The following BRD1 variants were observed in gnomAD, a reference collection of about 807,000 sequenced individuals.
BRD1 encodes bromodomain-containing protein 1.
Under a neutral mutation model 107.7 loss-of-function variants are expected in BRD1, and 24 were observed. The ratio of observed to expected loss-of-function variants is 0.22; its 90% CI spans 0.16 to 0.31. The LOEUF is 0.31. Ranked by LOEUF, BRD1 falls within the 10% of genes least tolerant of loss-of-function variation. The probability of loss-of-function intolerance (pLI) is 1.00; values close to 1 mark genes in which losing one functional copy is unlikely to be tolerated. For synonymous variants in BRD1, 744 were observed against 686.1 expected (o/e 1.08, Z -1.32); for missense variants, 1,279 against 1,638.6 (o/e 0.78, Z 3.79).
At position 49,803,861 on chromosome 22, in the gene BRD1, G is replaced by A. The variant is rs1016445166; in HGVS notation, c.1524+343C>T. Among the ~76,000 whole-genome samples, 26 of 152,166 alleles carry A rather than the reference G, an allele frequency of 1.7e-4. No homozygotes were observed. Among genetic ancestry groups the A allele is most frequent in the African/African-American group, 5.8e-4 (24 of 41,430 alleles). On this transcript the variant is annotated intron_variant, in intron 3 of 12. Transcript: ENST00000404760. This position sits in a 1 kb window ranked among gnomAD's most constrained non-coding sequence, Gnocchi z 4.4. ...CACTCCTGCTGTCCCCAGCCCGGAC[G>A]CTCATGCAGCCACAGCATAACACAT...
At position 49,822,837 on chromosome 22, in the gene BRD1, G is replaced by A; in HGVS notation, c.1367+114C>T. 6 of 1,255,330 alleles carry A rather than the reference G, an allele frequency of 4.8e-6. No individual in the cohort carries two copies. In the Admixed American group the frequency reaches 1.4e-4, roughly 30 times the overall value. The allele number at this position is 1,255,330 out of a possible 1,614,324, so 77.8% of individuals were successfully genotyped here. On this transcript the variant is annotated intron_variant, in intron 2 of 12. Transcript: ENST00000404760. ...CACTTCAGGGGAATATTAGGAAGCTGCGCCAACTAGAAACGCAATGACCAC... is the reference window on the plus strand; with the variant it reads ...CACTTCAGGGGAATATTAGGAAGCTACGCCAACTAGAAACGCAATGACCAC...
intron 2 of BRD1, among the ~76,000 whole-genome samples, 188 bp downstream of exon 2, chr22:49,822,763 C>G (rs1173614711): frequency 6.6e-6 from 1 of 152,066 alleles, no homozygotes; most frequent in Non-Finnish European, 1.5e-5. Flanking sequence ...AGACTAAAAT[C>G]TTTTACAACA....
At chr22:49,791,626 A>T (rs150095468) in intron 7 of BRD1, among the ~76,000 whole-genome samples, 2,897 of 152,242 alleles carry the variant, frequency 0.019, 82 homozygotes, top group African/African-American at 0.066. Context: ...ATACCAACCA[A>T]CAAGCTTGCT....
intron 9 of BRD1, 49 bp from the exon 10 acceptor site, chr22:49,777,210 G>T: frequency 6.2e-7 from 1 of 1,601,932 alleles, no homozygotes. Context: ...CCTGCCTTCA[G>T]CCTCACTCGG....
chr22:49,781,502 G>A (rs954190904), intron 8 of BRD1, among the ~76,000 whole-genome samples: 5 of 152,254 alleles, frequency 3.3e-5, no homozygotes, highest in Non-Finnish European at 7.3e-5. Flanking sequence ...AAATCCTCCA[G>A]GCCACAGGTG....
At chr22:49,805,602 T>C in intron 2 of BRD1, 1 of 153,418 alleles carries the variant, frequency 6.5e-6, no homozygotes, top group Non-Finnish European at 1.4e-5. Flanking sequence ...ACAGGGCTCC[T>C]CCTCTGCAGG....
At chr22:49,816,905 G>A (rs922602061) in intron 2 of BRD1, among the ~76,000 whole-genome samples, 6 of 152,284 alleles carry the variant, frequency 3.9e-5, no homozygotes, top group East Asian at 3.9e-4. Context: ...CTTAGCAGCC[G>A]GCATATACCA....
At position 49,792,916 on chromosome 22, in the gene BRD1, C is replaced by T. The variant is rs2059461411; in HGVS notation, c.2359+1118G>A. 6.6e-6 allele frequency among the ~76,000 whole-genome samples: 1 copy of T among 152,210 alleles called. No homozygotes were observed. Among genetic ancestry groups the T allele is most frequent in the Admixed American group, 6.5e-5 (1 of 15,282 alleles). The stretch of plus-strand genomic sequence containing the variant: ...AGGGCCCTGAGACCATGGGGACCCG[C>T]TGACCTGTGTGGCATCATGAAGACA... On this transcript the variant is annotated intron_variant, in intron 7 of 12. Coordinates refer to ENST00000404760, the MANE Select transcript of BRD1 (RefSeq NM_001304808.3). The surrounding 1 kb of genome is among the most constrained non-coding windows in gnomAD (Gnocchi z 4.2).
chr22:49,776,934 C>A (rs1038966268), intron 10 of BRD1, 100 bp downstream of exon 10: 3 of 1,521,614 alleles, frequency 2.0e-6, no homozygotes, highest in African/African-American at 1.4e-5. Flanking sequence ...CCACACAGGG[C>A]ACCATGCTCC....
In BRD1 at chr22:49,798,932, C is replaced by T. The variant is rs191117330; in HGVS notation, c.1656+56G>A. On this transcript the variant is annotated intron_variant, in intron 4 of 12. Coordinates refer to ENST00000404760, the MANE Select transcript of BRD1 (RefSeq NM_001304808.3). The stretch of plus-strand genomic sequence containing the variant: ...CACCCTCTGCAGGAGCTGCCAGCGT[C>T]CCACCCACGCCCCGTGGCCAGTGGT... The T allele has an allele frequency of 1.6e-5, 24 of 1,541,786 alleles. No individual in the cohort carries two copies. In the African/African-American group the frequency reaches 3.0e-4, roughly 19 times the overall value.
chr22:49,804,136 AG>A (rs2147202712), intron 3 of BRD1, 67 bp downstream of exon 3: 2 of 1,413,904 alleles, frequency 1.4e-6, no homozygotes, highest in East Asian at 4.9e-5. Context: ...AGCCTGAACC[AG>A]GTGCCCTCTC....
intron 2 of BRD1, among the ~76,000 whole-genome samples, chr22:49,815,340 C>T (rs2059929763): frequency 6.6e-6 from 1 of 152,048 alleles, no homozygotes. Context: ...GTCAGGAGTT[C>T]GAGACCAGCC....
intron 7 of BRD1, among the ~76,000 whole-genome samples, chr22:49,789,499 C>T (rs78233358): frequency 0.028 from 4,261 of 150,928 alleles, 226 homozygotes; most frequent in African/African-American, 0.099. Flanking sequence ...CTCCCCCCCC[C>T]GCCCCGAGCT....
chr22:49,811,059 C>A (rs920650484), intron 2 of BRD1, among the ~76,000 whole-genome samples: 4 of 152,112 alleles, frequency 2.6e-5, no homozygotes, highest in Non-Finnish European at 5.9e-5. Context: ...GAACATTACG[C>A]AGCCGTGAAA....
At chr22:49,812,847 C>G (rs2059876457) in intron 2 of BRD1, among the ~76,000 whole-genome samples, 1 of 151,630 alleles carries the variant, frequency 6.6e-6, no homozygotes, top group Non-Finnish European at 1.5e-5. Context: ...CACGCCAGGA[C>G]CGTTCTGGAG....
chr22:49,791,942 G>GC (rs2059443064), intron 7 of BRD1, among the ~76,000 whole-genome samples: 1 of 151,858 alleles, frequency 6.6e-6, no homozygotes, highest in Non-Finnish European at 1.5e-5. Context: ...CCTTACAATG[G>GC]CCCCAGAAAA....
At chr22:49,796,308 A>G (rs1368972677) in intron 6 of BRD1, among the ~76,000 whole-genome samples, 4 of 150,560 alleles carry the variant, frequency 2.7e-5, no homozygotes, top group African/African-American at 9.8e-5. Flanking sequence ...ATTAGCCAGG[A>G]TGGTCTCGAC....
intron 7 of BRD1, among the ~76,000 whole-genome samples, chr22:49,793,464 C>T (rs568584615): frequency 1.3e-5 from 2 of 152,328 alleles, no homozygotes; most frequent in Admixed American, 6.5e-5. Flanking sequence ...GCAACGATCA[C>T]GGCTGCTACC....
rs1385366362 is a variant in BRD1 at position 49,827,857 on chromosome 22, A to C, written c.-375T>G. ...GGGCCGGGTCGCTCGCTCGCTCCCC[A>C]GCGAAGCAAACAATGCGGCGAGCGC... On this transcript the variant is annotated 5_prime_UTR_variant, in exon 1 of 13. Coordinates refer to ENST00000404760, the MANE Select transcript of BRD1 (RefSeq NM_001304808.3). Among the ~76,000 whole-genome samples, 2 of 138,592 alleles carry C rather than the reference A, an allele frequency of 1.4e-5. No homozygotes were observed. Among genetic ancestry groups the C allele is most frequent in the African/African-American group, 5.1e-5 (2 of 39,178 alleles). 90.9% of individuals were successfully genotyped at this position (138,592 alleles called of 152,430 possible).
Sources: allele counts gnomAD v4.1 joint callset (sites outside exome capture counted in the v4.1 genomes callset), GRCh38; gene constraint gnomAD v4.1.1; non-coding constraint Gnocchi (gnomAD v3.1); transcripts MANE v1.5; gene names NCBI Gene and HGNC (gene_info 2026-07-23, HGNC 2026-07-21).